TEX11: variants seen among roughly 807,000 people sequenced by gnomAD.
The protein encoded by TEX11 is testis-expressed protein 11.
TEX11 carries 7 observed loss-of-function variants against 84.4 expected under a neutral mutation model. That is an observed-to-expected ratio of 0.08 (90% CI 0.05 to 0.16). The LOEUF is 0.16. Ranked by LOEUF, TEX11 falls within the 10% of genes least tolerant of loss-of-function variation. The pLI, the probability that TEX11 is intolerant of heterozygous loss-of-function variation, is 1.00. For missense variants in TEX11, 551 were observed against 660.5 expected (o/e 0.83, Z 1.82); for synonymous variants, 264 against 222.8 (o/e 1.18, Z -1.64).
intron 16 of TEX11, among the ~76,000 whole-genome samples, chrX:70,666,648 T>G: frequency 9.0e-6 from 1 of 111,652 alleles, no homozygotes; most frequent in Non-Finnish European, 1.9e-5. Flanking sequence ...AAACCTATTT[T>G]CTTTATTAAT....
At chrX:70,799,974 G>T (rs2147802473) in intron 9 of TEX11, among the ~76,000 whole-genome samples, 1 of 110,711 alleles carries the variant, frequency 9.0e-6, no homozygotes, top group South Asian at 3.8e-4. Flanking sequence ...GCTGCTGCAG[G>T]TTTCATCTTC....
At chrX:70,805,949 G>A (rs942958223) in intron 9 of TEX11, among the ~76,000 whole-genome samples, 9 of 111,437 alleles carry the variant, frequency 8.1e-5, no homozygotes, top group East Asian at 2.8e-4. Flanking sequence ...AGCATACAGC[G>A]TTAAATATAT....
rs745614946 is a variant in TEX11, at chrX:70,682,687, T to C, written c.1143A>G (p.Glu381=). 2.5e-6 allele frequency: 3 copies of C among 1,208,017 alleles called. No individual in the cohort carries two copies. Among genetic ancestry groups the C allele is most frequent in the Non-Finnish European group, 3.4e-6 (3 of 894,451 alleles). Reference sequence around the variant, plus strand: ...AATCCTACTGACCTAAAAAGATTTCTTCAATCTTCTCCTTGGCAAGAAGTT... The same window carrying C: ...AATCCTACTGACCTAAAAAGATTTCCTCAATCTTCTCCTTGGCAAGAAGTT... The part of the protein sequence containing the change: ...KEELLAKEKI[E]EIFLAHQTGR... The change falls in exon 14 of 30, where the codon GAA becomes GAG. Residue 381 remains glutamate (E), a synonymous_variant. Transcript: ENST00000374333.
At chrX:70,559,730 C>T (rs917783458) in intron 25 of TEX11, among the ~76,000 whole-genome samples, 3 of 112,112 alleles carry the variant, frequency 2.7e-5, no homozygotes, top group African/African-American at 9.7e-5. Context: ...GAACATACCA[C>T]AATTTATTTA....
intron 15 of TEX11, among the ~76,000 whole-genome samples, chrX:70,677,439 C>T (rs185222436): frequency 2.7e-5 from 3 of 111,933 alleles, no homozygotes; most frequent in African/African-American, 9.7e-5. Flanking sequence ...GATGGTTATT[C>T]TCCTAGCTTC....
At chrX:70,765,234 A>T (rs756519911) in intron 9 of TEX11, among the ~76,000 whole-genome samples, 25 of 111,081 alleles carry the variant, frequency 2.3e-4, no homozygotes, top group Admixed American at 2.9e-4. Context: ...AAAACCACAG[A>T]AATTAGCTGG....
chrX:70,814,778 T>C (rs2091277338), intron 8 of TEX11, among the ~76,000 whole-genome samples: 1 of 112,461 alleles, frequency 8.9e-6, no homozygotes, highest in South Asian at 3.6e-4. Context: ...AATAAAAGCT[T>C]CACAATGAAG....
intron 25 of TEX11, among the ~76,000 whole-genome samples, chrX:70,586,464 C>T (rs1473624071): frequency 9.0e-6 from 1 of 111,555 alleles, no homozygotes; most frequent in Non-Finnish European, 1.9e-5. Context: ...AATCCTAAAA[C>T]GCAACACCAA....
intron 7 of TEX11, among the ~76,000 whole-genome samples, chrX:70,840,853 T>C (rs1215282153): frequency 9.0e-6 from 1 of 110,999 alleles, no homozygotes; most frequent in Non-Finnish European, 1.9e-5. Context: ...AAACAGACTT[T>C]AAACCAACAA....
At chrX:70,791,663 C>G (rs1300378475) in intron 9 of TEX11, among the ~76,000 whole-genome samples, 4 of 112,117 alleles carry the variant, frequency 3.6e-5, no homozygotes, top group African/African-American at 1.3e-4. Flanking sequence ...AGCATACACT[C>G]AGACCACAGT....
chrX:70,779,489 G>C (rs149666942), intron 9 of TEX11, among the ~76,000 whole-genome samples: 2 of 106,516 alleles, frequency 1.9e-5, no homozygotes, highest in Admixed American at 2.0e-4. Context: ...AATAAACAAC[G>C]TTGCTCCTCG....
chrX:70,819,343 A>T (rs949742195), intron 8 of TEX11, among the ~76,000 whole-genome samples: 6 of 112,249 alleles, frequency 5.3e-5, no homozygotes, highest in Admixed American at 9.5e-5. Flanking sequence ...AAACCACATG[A>T]TTATCTCAAT....
Position 70,730,973 on chromosome X carries a change from C to G in TEX11, c.844-5630G>C, listed in dbSNP as rs771373692. 3.7e-3 allele frequency among the ~76,000 whole-genome samples: 409 copies of G among 112,011 alleles called. 3 individuals carry two copies. Among genetic ancestry groups the G allele is most frequent in the African/African-American group, 0.011 (335 of 30,843 alleles). The stretch of plus-strand genomic sequence containing the variant: ...ACAGTCTCTCAGACCACAGTGCAAT[C>G]AAACTAGAACTCAGGATTAAGAAAC... On this transcript the variant is annotated intron_variant, in intron 11 of 29. Transcript: ENST00000374333.
chrX:70,562,760 C>T (rs1198737852), intron 25 of TEX11, among the ~76,000 whole-genome samples: 1 of 112,213 alleles, frequency 8.9e-6, no homozygotes, highest in Non-Finnish European at 1.9e-5. Context: ...TGTCCACTAT[C>T]ACTGCTCCTT....
At chrX:70,804,665 G>A (rs2091207681) in intron 9 of TEX11, among the ~76,000 whole-genome samples, 1 of 111,551 alleles carries the variant, frequency 9.0e-6, no homozygotes, top group Admixed American at 9.6e-5. Flanking sequence ...AAATATCATT[G>A]TGGGTCAGAT....
At chrX:70,598,775 A>C (rs377050047) in intron 24 of TEX11, among the ~76,000 whole-genome samples, 1 of 112,340 alleles carries the variant, frequency 8.9e-6, no homozygotes, top group Non-Finnish European at 1.9e-5. Flanking sequence ...GTCAGAAAAG[A>C]CTACACATCA....
intron 9 of TEX11, among the ~76,000 whole-genome samples, chrX:70,788,973 T>TAGAGAGAGAGAG (rs35956435): frequency 2.1e-4 from 2 of 9,560 alleles, no homozygotes; most frequent in Non-Finnish European, 3.6e-4. Context: ...TATATATATA[T>TAGAGAGAGAGAG]AGAGAGAGAG....
intron 7 of TEX11, among the ~76,000 whole-genome samples, chrX:70,840,946 TGCACCCAATACAGGA>T (rs1292246624): frequency 9.0e-6 from 1 of 110,789 alleles, no homozygotes; most frequent in Non-Finnish European, 1.9e-5. Context: ...TAAATATATA[TGCACCCAATACAGGA>T]GCACCCAGAT....
chrX:70,644,486 G>T (rs1371427523), intron 17 of TEX11, among the ~76,000 whole-genome samples: 1 of 108,363 alleles, frequency 9.2e-6, no homozygotes, highest in Non-Finnish European at 1.9e-5. Context: ...CGTTTATTGC[G>T]GCATTATTCA....
Sources: allele counts gnomAD v4.1 joint callset (sites outside exome capture counted in the v4.1 genomes callset), GRCh38; gene constraint gnomAD v4.1.1; transcripts MANE v1.5; gene names NCBI Gene and HGNC (gene_info 2026-07-23, HGNC 2026-07-21).